The following ASTN1 variants were observed in gnomAD, a reference collection of about 807,000 sequenced individuals.
ASTN1 encodes the protein astrotactin-1.
A neutral mutation model predicts 140.7 loss-of-function variants in ASTN1; 41 were observed. That is an observed-to-expected ratio of 0.29 (90% CI 0.23 to 0.38). The LOEUF is 0.38. Among genes scored for constraint, ASTN1 ranks in the 10% least tolerant of loss-of-function variants. The pLI is 1.00. For missense variants in ASTN1, 1,479 were observed against 1,678.8 expected (o/e 0.88, Z 2.08); for synonymous variants, 640 against 652.2 (o/e 0.98, Z 0.29).
At chr1:177,086,022 GA>G (rs1558084943) in intron 1 of ASTN1, among the ~76,000 whole-genome samples, 1 of 152,082 alleles carries the variant, frequency 6.6e-6, no homozygotes, top group Non-Finnish European at 1.5e-5. Flanking sequence ...AATGCTCCTG[GA>G]AAGGGGTCTG....
chr1:177,140,254 A>T (rs1682401738), intron 1 of ASTN1, among the ~76,000 whole-genome samples: 1 of 152,208 alleles, frequency 6.6e-6, no homozygotes, highest in South Asian at 2.1e-4. Context: ...GGTTGAAAAG[A>T]CATTATAATC....
At chr1:177,114,569 T>C (rs1301315622) in intron 1 of ASTN1, among the ~76,000 whole-genome samples, 1 of 152,158 alleles carries the variant, frequency 6.6e-6, no homozygotes, top group Non-Finnish European at 1.5e-5. Context: ...AACAGCACAA[T>C]ATTACAACCA....
chr1:176,946,197 G>C (rs777296206), intron 12 of ASTN1, 77 bp from the exon 13 acceptor site: 107 of 1,316,874 alleles, frequency 8.1e-5, no homozygotes, highest in Non-Finnish European at 1.0e-4. Context: ...CGTATATTGG[G>C]AGGAAATGCC....
intron 6 of ASTN1, among the ~76,000 whole-genome samples, chr1:177,024,046 T>A (rs1675971444): frequency 6.6e-6 from 1 of 152,210 alleles, no homozygotes; most frequent in Non-Finnish European, 1.5e-5. Flanking sequence ...AACAAGTCAA[T>A]TAGGTGCTCT....
intron 1 of ASTN1, among the ~76,000 whole-genome samples, chr1:177,141,130 C>A (rs183871332): frequency 6.6e-6 from 1 of 152,208 alleles, no homozygotes; most frequent in African/African-American, 2.4e-5. Flanking sequence ...GCAGGAGAAT[C>A]GCTTGAACCT....
intron 16 of ASTN1, among the ~76,000 whole-genome samples, chr1:176,917,475 T>C (rs937261506): frequency 6.6e-6 from 1 of 152,144 alleles, no homozygotes; most frequent in African/African-American, 2.4e-5. Flanking sequence ...GTGCTTATCC[T>C]GGGGCAGCAG....
chr1:176,995,079 G>A (rs890826639), intron 8 of ASTN1, among the ~76,000 whole-genome samples: 8 of 152,166 alleles, frequency 5.3e-5, no homozygotes, highest in Admixed American at 6.6e-5. Flanking sequence ...GGAATGCACT[G>A]AGAAAGTCAA....
chr1:176,972,018 C>G (rs1673160662), intron 8 of ASTN1, among the ~76,000 whole-genome samples: 1 of 152,114 alleles, frequency 6.6e-6, no homozygotes, highest in South Asian at 2.1e-4. Flanking sequence ...TACTAGACAC[C>G]TAGGCTATAT....
intron 1 of ASTN1, among the ~76,000 whole-genome samples, chr1:177,125,619 A>T (rs1252587369): frequency 6.6e-6 from 1 of 152,186 alleles, no homozygotes; most frequent in Non-Finnish European, 1.5e-5. Flanking sequence ...TATATAAAAC[A>T]CTGTATTGGC....
At chr1:177,067,275 A>G (rs1678409165) in intron 1 of ASTN1, among the ~76,000 whole-genome samples, 1 of 152,186 alleles carries the variant, frequency 6.6e-6, no homozygotes, top group Non-Finnish European at 1.5e-5. Flanking sequence ...AGGCATCTCT[A>G]AAAATAGAAT....
intron 2 of ASTN1, among the ~76,000 whole-genome samples, chr1:177,035,544 A>C (rs1676672701): frequency 6.6e-6 from 1 of 152,262 alleles, no homozygotes; most frequent in Admixed American, 6.5e-5. Flanking sequence ...GGTAGTAAAA[A>C]GACGATACTC....
chr1:177,098,572 C>A (rs1680152993), intron 1 of ASTN1, among the ~76,000 whole-genome samples: 1 of 151,720 alleles, frequency 6.6e-6, no homozygotes, highest in Admixed American at 6.6e-5. Context: ...GTGTGGTGGT[C>A]AACACAACAA....
rs1242240168 is a variant in ASTN1, at chr1:176,928,136, T to C, written c.2671+6016A>G. On this transcript the variant is annotated intron_variant, in intron 16 of 22. Transcript: ENST00000361833. ...AAATAATTAAATATATATGTATTTA[T>C]AATTTTACAGAAAGACTAGACCCTA... Among the ~76,000 whole-genome samples the C allele has an allele frequency of 2.6e-5, 4 of 151,502 alleles. No individual in the cohort carries two copies. In the South Asian group the frequency reaches 6.2e-4, roughly 24 times the overall value.
chr1:176,976,094 A>G (rs934325942), intron 8 of ASTN1: 1 of 152,160 alleles, frequency 6.6e-6, no homozygotes, highest in African/African-American at 2.4e-5. Flanking sequence ...GATATCCCAA[A>G]TCTCATTACA....
chr1:176,972,521 C>T lies in ASTN1; in HGVS notation c.1524-7284G>A, dbSNP rs1033212807. Among the ~76,000 whole-genome samples the T allele has an allele frequency of 4.6e-5, 7 of 152,034 alleles. No homozygotes were observed. In the South Asian group the frequency reaches 1.5e-3, roughly 32 times the overall value. ...TTTTAATTTTTAATTTTTTTAGAGA[C>T]AGGATCTCACTCTGTCACCCATGCC... On this transcript the variant is annotated intron_variant, in intron 8 of 22. Transcript: ENST00000361833.
At chr1:177,104,170 C>T (rs971687865) in intron 1 of ASTN1, among the ~76,000 whole-genome samples, 2 of 152,088 alleles carry the variant, frequency 1.3e-5, no homozygotes, top group Non-Finnish European at 2.9e-5. Flanking sequence ...AAGTTCTCCC[C>T]AGCACAGACT....
intron 1 of ASTN1, among the ~76,000 whole-genome samples, chr1:177,102,264 C>A (rs1363208765): frequency 6.6e-6 from 1 of 152,162 alleles, no homozygotes; most frequent in Non-Finnish European, 1.5e-5. Context: ...CAGGGTTAAA[C>A]ATTTATATAA....
rs200755970 is a variant in ASTN1, at chr1:177,063,247, G to T, written c.284-1982C>A. 6.6e-5 allele frequency among the ~76,000 whole-genome samples: 10 copies of T among 152,146 alleles called. 1 individual carries two copies. Among genetic ancestry groups the T allele is most frequent in the South Asian group, 4.1e-4 (2 of 4,828 alleles). ...TTGTCCTACCATCCCACAGATGAGGGATAAGGTACAATTAAGAGTGTGGGT... is the reference window on the plus strand; with the variant it reads ...TTGTCCTACCATCCCACAGATGAGGTATAAGGTACAATTAAGAGTGTGGGT... On this transcript the variant is annotated intron_variant, in intron 1 of 22. Transcript: ENST00000361833.
intron 16 of ASTN1, among the ~76,000 whole-genome samples, chr1:176,911,910 C>T (rs943051053): frequency 1.7e-4 from 26 of 152,250 alleles, no homozygotes; most frequent in African/African-American, 5.5e-4. Flanking sequence ...ACCAACATTA[C>T]CACAGACATG....
Sources: gnomAD v4.1 joint callset for allele counts (sites outside exome capture counted in the v4.1 genomes callset) on GRCh38, gnomAD v4.1.1 for gene constraint, MANE v1.5 for transcripts, NCBI Gene and HGNC (gene_info 2026-07-23, HGNC 2026-07-21) for gene names.